RASEF: variants seen among roughly 807,000 people sequenced by gnomAD.
RASEF encodes the protein RAS and EF-hand domain containing, also known as ras and EF-hand domain-containing protein.
Under a neutral mutation model 90.1 loss-of-function variants are expected in RASEF, and 68 were observed. That is an observed-to-expected ratio of 0.75 (90% CI 0.62 to 0.92). The LOEUF (loss-of-function observed/expected upper bound fraction) is 0.92, where lower values mean the gene tolerates loss of function less well. Ranked by LOEUF, RASEF falls within the 40% of genes least tolerant of loss-of-function variation. The probability of loss-of-function intolerance (pLI) is 0.00; values close to 1 mark genes in which losing one functional copy is unlikely to be tolerated. For synonymous variants in RASEF, 331 were observed against 345.2 expected (o/e 0.96, Z 0.46); for missense variants, 949 against 937.2 (o/e 1.01, Z -0.16).
chr9:83,005,069 G>A (rs960058520), intron 8 of RASEF, among the ~76,000 whole-genome samples: 1 of 152,114 alleles, frequency 6.6e-6, no homozygotes, highest in African/African-American at 2.4e-5. Context: ...GATTTCTGTA[G>A]GAGGGTTTGA....
At chr9:83,068,820 G>A in the RASEF span, among the ~76,000 whole-genome samples, 1 of 152,296 alleles carries the variant, frequency 6.6e-6, no homozygotes, top group African/African-American at 2.4e-5. Flanking sequence ...GAAAAAAACG[G>A]GGAAGGAGGT....
intron 15 of RASEF, among the ~76,000 whole-genome samples, chr9:82,992,125 C>A (rs1210159068): frequency 6.6e-6 from 1 of 152,190 alleles, no homozygotes; most frequent in East Asian, 1.9e-4. Flanking sequence ...ACTGAAACTT[C>A]TTTTTGAAGT....
chr9:83,078,199 T>G, the RASEF span, among the ~76,000 whole-genome samples: 2 of 152,126 alleles, frequency 1.3e-5, no homozygotes, highest in Non-Finnish European at 2.9e-5. Context: ...AACTTGAGAA[T>G]CACTGACCTC....
intron 5 of RASEF, among the ~76,000 whole-genome samples, chr9:83,011,369 C>A (rs192324966): frequency 7.1e-4 from 108 of 151,886 alleles, no homozygotes; most frequent in African/African-American, 2.4e-3. Context: ...CTGGCCAACA[C>A]GGTGAAACCC....
chr9:83,200,395 C>CA, the RASEF span, among the ~76,000 whole-genome samples: 1 of 151,800 alleles, frequency 6.6e-6, no homozygotes, highest in Admixed American at 6.5e-5. Flanking sequence ...GATTCCGTCT[C>CA]AAAAAACAAA....
the RASEF span, among the ~76,000 whole-genome samples, chr9:83,172,568 T>A: frequency 6.6e-6 from 1 of 151,822 alleles, no homozygotes. Context: ...CCATGAAGCT[T>A]ATAAAAACAC....
chr9:82,988,914 A>T (rs1828762276), intron 16 of RASEF, among the ~76,000 whole-genome samples: 1 of 152,228 alleles, frequency 6.6e-6, no homozygotes, highest in Admixed American at 6.5e-5. Context: ...GGTCACATTC[A>T]AGGTTAGCAC....
the RASEF span, among the ~76,000 whole-genome samples, chr9:83,189,359 A>G: frequency 6.6e-6 from 1 of 152,200 alleles, no homozygotes; most frequent in Non-Finnish European, 1.5e-5. Flanking sequence ...CTGTGAGTCA[A>G]TTAAACCTCT....
At chr9:83,170,306 C>A in the RASEF span, among the ~76,000 whole-genome samples, 1 of 151,932 alleles carries the variant, frequency 6.6e-6, no homozygotes, top group African/African-American at 2.4e-5. Context: ...TGTGCCAGTG[C>A]CATGCTGTTT....
the RASEF span, among the ~76,000 whole-genome samples, chr9:83,214,827 A>C: frequency 1.9e-4 from 29 of 152,174 alleles, no homozygotes; most frequent in African/African-American, 6.7e-4. Flanking sequence ...GACAGTAGAC[A>C]GGGAAACACT....
intron 1 of RASEF, among the ~76,000 whole-genome samples, chr9:83,034,548 A>G (rs1829704918): frequency 6.6e-6 from 1 of 152,200 alleles, no homozygotes; most frequent in Non-Finnish European, 1.5e-5. Flanking sequence ...AGATCCATTC[A>G]ATGTCTAGGA....
At chr9:83,192,981 A>C in the RASEF span, among the ~76,000 whole-genome samples, 8 of 152,330 alleles carry the variant, frequency 5.3e-5, no homozygotes, top group East Asian at 3.9e-4. Context: ...AACAGGTTAC[A>C]AGCTCCAGCA....
In RASEF at chr9:83,063,092, G is replaced by C; in HGVS notation, c.-225C>G. 2.1e-6 allele frequency: 1 copy of C among 484,440 alleles called. No homozygotes were observed. The highest frequency in any genetic ancestry group is 4.2e-5 in the South Asian group (1 of 24,086). The allele number at this position is 484,440 out of a possible 1,614,324, so 30.0% of individuals were successfully genotyped here. A position where few individuals can be genotyped will look rare whatever the true frequency, so the allele number is the denominator to read the frequency against. ...CCAGCCCCCAACAGGTCCCGGGAGC[G>C]GTGGGGTGCGCCCGGGCTCCAGGCA... On this transcript the variant is annotated 5_prime_UTR_variant, in exon 1 of 17. Coordinates refer to ENST00000376447, the MANE Select transcript of RASEF (RefSeq NM_152573.4).
chr9:83,199,775 T>C, the RASEF span, among the ~76,000 whole-genome samples: 2 of 151,892 alleles, frequency 1.3e-5, no homozygotes, highest in Non-Finnish European at 2.9e-5. Flanking sequence ...AGGACACAAA[T>C]GCGTATCTGA....
rs1243021837 is a variant in RASEF, at chr9:83,000,337, G to A, written c.1576-21C>T. The A allele has an allele frequency of 1.9e-6, 3 of 1,612,078 alleles. No homozygotes were observed. In the African/African-American group the frequency reaches 4.0e-5, roughly 22 times the overall value. On this transcript the variant is annotated intron_variant, in intron 11 of 16. Coordinates refer to ENST00000376447, the MANE Select transcript of RASEF (RefSeq NM_152573.4). ...TCTGTCTGGGGGGAAAAGCCACAGT[G>A]AATGATAACGGTATTGCCAGTTTTC...
chr9:83,139,367 T>C, the RASEF span, among the ~76,000 whole-genome samples: 1 of 152,162 alleles, frequency 6.6e-6, no homozygotes, highest in Non-Finnish European at 1.5e-5. Flanking sequence ...ATATAACTTT[T>C]AACTCCCTAA....
At chr9:83,047,002 A>G (rs150956114) in intron 1 of RASEF, among the ~76,000 whole-genome samples, 1 of 152,356 alleles carries the variant, frequency 6.6e-6, no homozygotes, top group African/African-American at 2.4e-5. Context: ...CCATCTGAGC[A>G]TGTGCCATAC....
chr9:82,998,171 G>A (rs149494125), intron 13 of RASEF, among the ~76,000 whole-genome samples, 194 bp downstream of exon 13: 1 of 152,076 alleles, frequency 6.6e-6, no homozygotes, highest in Non-Finnish European at 1.5e-5. Context: ...AGGAGTCATA[G>A]GTAAATGAAG....
rs1282550867 is a variant in RASEF, at chr9:83,005,454, C to T, written c.1075G>A (p.Ala359Thr). ...LHDSNDGLRSALENSYSKFNR... is the reference protein window; with the variant it reads ...LHDSNDGLRSTLENSYSKFNR... ...AACTTGCTATAACTGTTTTCAAGGG[C>T]ACTTCTAAGGCCATCATTACTGTCA... The change falls in exon 8 of 17, where the codon GCC (alanine) becomes ACC (threonine). Residue 359 changes from alanine (A) to threonine (T), a missense_variant. By Grantham distance (58) the Ala-to-Thr change is moderately conservative. This residue lies in a region of RASEF where 656 missense variants were observed against 592.2 expected (regional missense o/e 1.11). Coordinates refer to ENST00000376447, the MANE Select transcript of RASEF (RefSeq NM_152573.4). 4 of 1,613,792 alleles carry T rather than the reference C, an allele frequency of 2.5e-6. No individual in the cohort carries two copies. Among genetic ancestry groups the T allele is most frequent in the African/African-American group, 2.7e-5 (2 of 74,886 alleles).
Sources: gnomAD v4.1 joint callset for allele counts (sites outside exome capture counted in the v4.1 genomes callset) on GRCh38, gnomAD v4.1.1 for gene constraint, gnomAD v4.1.1 regional missense constraint, MANE v1.5 for transcripts, NCBI Gene and HGNC (gene_info 2026-07-23, HGNC 2026-07-21) for gene names.